Variants in YTHDC1 observed in about 807,000 individuals in gnomAD.
YTHDC1 encodes YTH domain-containing protein 1.
Under a neutral mutation model 107.0 loss-of-function variants are expected in YTHDC1, and 12 were observed. The observed-to-expected ratio is 0.11, with a 90% CI of 0.07 to 0.18. The LOEUF (loss-of-function observed/expected upper bound fraction) is 0.18. Ranked by LOEUF, YTHDC1 falls within the 10% of genes least tolerant of loss-of-function variation. The pLI, the probability that YTHDC1 is intolerant of heterozygous loss-of-function variation, is 1.00. For missense variants in YTHDC1, 635 were observed against 898.8 expected (o/e 0.71, Z 3.75); for synonymous variants, 280 against 289.5 (o/e 0.97, Z 0.33).
intron 12 of YTHDC1, among the ~76,000 whole-genome samples, chr4:68,319,214 A>C (rs1248954103): frequency 6.6e-6 from 1 of 152,158 alleles, no homozygotes; most frequent in African/African-American, 2.4e-5. Flanking sequence ...CCTTAAAACA[A>C]ATGTTTACTT....
At position 68,337,187 on chromosome 4, in the gene YTHDC1, CTCCTCT is replaced by C. The variant is rs758338061; in HGVS notation, c.717_722del (p.Glu248_Glu249del). On this transcript the variant is annotated inframe_deletion, in exon 4 of 17. Coordinates refer to ENST00000344157, the MANE Select transcript of YTHDC1 (RefSeq NM_001031732.4). ...ATTCTTCTTCTTCCTCCTCCTCCTC[CTCCTCT>C]TCCTCCTCCTCCTCTTCCTCCTCCT... 9 of 1,597,696 alleles carry C rather than the reference CTCCTCT, an allele frequency of 5.6e-6. No homozygotes were observed. The highest frequency in any genetic ancestry group is 4.4e-5 in the South Asian group (4 of 90,600).
At chr4:68,349,575 G>A (rs1725849157) in intron 1 of YTHDC1, 151 bp downstream of exon 1, 4 of 1,269,452 alleles carry the variant, frequency 3.2e-6, no homozygotes, top group Admixed American at 4.0e-5. Flanking sequence ...CTCCGCCAGA[G>A]TCTAAGTGTC....
At chr4:68,341,630 C>T (rs1262531374) in intron 1 of YTHDC1, among the ~76,000 whole-genome samples, 2 of 152,064 alleles carry the variant, frequency 1.3e-5, no homozygotes, top group African/African-American at 4.8e-5. Context: ...CACTTACAGC[C>T]CACAAAGTCT....
chr4:68,312,607 GAA>G lies in YTHDC1; in HGVS notation c.*1490_*1491del, dbSNP rs1187255043. 6.6e-6 allele frequency: 1 copy of G among 152,152 alleles called. No individual in the cohort carries two copies. Among genetic ancestry groups the G allele is most frequent in the Non-Finnish European group, 1.5e-5 (1 of 68,020 alleles). 9.4% of individuals were successfully genotyped at this position (152,152 alleles called of 1,614,324 possible). On this transcript the variant is annotated 3_prime_UTR_variant, in exon 17 of 17. Transcript: ENST00000344157. ...TAAATAAAACTTCTGTGAATGCAGG[GAA>G]AGATACTACATGCTGGTATGAATAT...
intron 1 of YTHDC1, among the ~76,000 whole-genome samples, chr4:68,342,550 T>C (rs774190355): frequency 1.4e-4 from 21 of 152,164 alleles, no homozygotes; most frequent in Non-Finnish European, 2.8e-4. Context: ...TTTCCAAAAT[T>C]ACTATAGTTT....
intron 15 of YTHDC1, among the ~76,000 whole-genome samples, 178 bp downstream of exon 15, chr4:68,318,341 C>A (rs1722088122): frequency 6.6e-6 from 1 of 152,186 alleles, no homozygotes; most frequent in Admixed American, 6.5e-5. Context: ...CTCTTCACCT[C>A]AGGTGATCTA....
chr4:68,332,189 TGG>T lies in YTHDC1; in HGVS notation c.1034_1035del (p.Thr345LysfsTer2). The T allele has an allele frequency of 6.3e-7, 1 of 1,595,080 alleles. No homozygotes were observed. On this transcript the variant is annotated frameshift_variant, in exon 7 of 17. Coordinates refer to ENST00000344157, the MANE Select transcript of YTHDC1 (RefSeq NM_001031732.4). LOFTEE classifies it high-confidence loss of function. ...TCTTGAAGCACATATTTGAGTTTAC[TGG>T]TTTGATCTGAAAAAAAAAGAAACCC... The part of the protein sequence containing the change: ...SSVRAVRKDQ[T>X]SKLKYVLQDA...
chr4:68,323,682 A>G (rs1244793057), intron 10 of YTHDC1, among the ~76,000 whole-genome samples: 3 of 152,246 alleles, frequency 2.0e-5, no homozygotes, highest in African/African-American at 7.2e-5. Context: ...AGGGTCAAAG[A>G]AAGGTTTTGG....
At position 68,337,583 on chromosome 4, in the gene YTHDC1, C is replaced by G. The variant is rs186920853; in HGVS notation, c.448G>C (p.Asp150His). 1.9e-6 allele frequency: 3 copies of G among 1,607,306 alleles called. No individual in the cohort carries two copies. The highest frequency in any genetic ancestry group is 2.2e-5 in the South Asian group (2 of 89,796). Reference protein sequence around the residue: ...PERRAKSPTPDGSERIGLEVD... With the variant: ...PERRAKSPTPHGSERIGLEVD... Reference sequence around the variant, plus strand: ...ATAATATTTACTACCTCAGAACCATCTGGCGTAGGAGATTTGGCCCTCCTT... The same window carrying G: ...ATAATATTTACTACCTCAGAACCATGTGGCGTAGGAGATTTGGCCCTCCTT... Residue 150 changes from aspartate to histidine, a missense_variant, in exon 3 of 17, where the codon GAT (aspartate) becomes CAT (histidine). Around this residue, in one of 5 missense-constraint regions of YTHDC1, gnomAD observed 294 missense variants for 312.3 expected, o/e 0.94. Coordinates refer to ENST00000344157, the MANE Select transcript of YTHDC1 (RefSeq NM_001031732.4).
chr4:68,325,676 C>A (rs1317899555), intron 9 of YTHDC1, among the ~76,000 whole-genome samples: 1 of 152,164 alleles, frequency 6.6e-6, no homozygotes. Flanking sequence ...AGCCACCACA[C>A]CTGGCCTGAA....
At chr4:68,342,891 T>C (rs890352217) in intron 1 of YTHDC1, among the ~76,000 whole-genome samples, 2 of 48,520 alleles carry the variant, frequency 4.1e-5, no homozygotes, top group African/African-American at 6.3e-5. Context: ...TAGTTCTAGG[T>C]TGACTTTCTT....
intron 9 of YTHDC1, among the ~76,000 whole-genome samples, chr4:68,329,211 C>G (rs1472253397): frequency 6.6e-6 from 1 of 152,068 alleles, no homozygotes; most frequent in East Asian, 1.9e-4. Flanking sequence ...GCTCCCTATC[C>G]CACTCACACA....
intron 10 of YTHDC1, among the ~76,000 whole-genome samples, chr4:68,323,466 G>T (rs1722651701): frequency 6.6e-6 from 1 of 152,152 alleles, no homozygotes; most frequent in South Asian, 2.1e-4. Context: ...AGTGGCTCAT[G>T]CCTGTAATTC....
At chr4:68,348,703 C>T (rs1217195643) in intron 1 of YTHDC1, among the ~76,000 whole-genome samples, 1 of 152,120 alleles carries the variant, frequency 6.6e-6, no homozygotes, top group African/African-American at 2.4e-5. Context: ...AAGGATTACA[C>T]GCCTAATGTA....
chr4:68,331,468 T>C (rs538015716), intron 7 of YTHDC1, among the ~76,000 whole-genome samples: 8 of 152,144 alleles, frequency 5.3e-5, no homozygotes, highest in South Asian at 2.1e-4. Flanking sequence ...TGAAAATCAG[T>C]TGAAACTGTA....
intron 1 of YTHDC1, among the ~76,000 whole-genome samples, chr4:68,342,534 C>G (rs545679918): frequency 6.6e-6 from 1 of 152,220 alleles, no homozygotes; most frequent in Non-Finnish European, 1.5e-5. Context: ...TAATACATGA[C>G]AGATGTTTCC....
intron 16 of YTHDC1, 89 bp from the exon 17 acceptor site, chr4:68,314,412 A>T (rs1721591157): frequency 9.2e-7 from 1 of 1,090,054 alleles, no homozygotes; most frequent in Non-Finnish European, 1.3e-6. Context: ...TTATATAAAC[A>T]ATTTTAAAAT....
intron 4 of YTHDC1, among the ~76,000 whole-genome samples, chr4:68,334,206 C>A (rs1472446799): frequency 2.0e-5 from 3 of 152,004 alleles, no homozygotes; most frequent in Non-Finnish European, 2.9e-5. Flanking sequence ...ATGATAAGCT[C>A]CTTTTACTTT....
At chr4:68,340,259 T>C (rs1304223239) in intron 1 of YTHDC1, among the ~76,000 whole-genome samples, 2 of 152,106 alleles carry the variant, frequency 1.3e-5, no homozygotes, top group African/African-American at 2.4e-5. Context: ...GGAAAAGATA[T>C]CATTTTCCTT....
Sources: gnomAD v4.1 joint callset for allele counts (sites outside exome capture counted in the v4.1 genomes callset) on GRCh38, gnomAD v4.1.1 for gene constraint, gnomAD v4.1.1 regional missense constraint, MANE v1.5 for transcripts, NCBI Gene and HGNC (gene_info 2026-07-23, HGNC 2026-07-21) for gene names.